The following TAFA5 variants were observed in gnomAD, a reference collection of about 807,000 sequenced individuals.
TAFA5 encodes TAFA chemokine like family member 5.
TAFA5 carries 6 observed loss-of-function variants against 15.3 expected under a neutral mutation model. The ratio of observed to expected loss-of-function variants is 0.39; its 90% CI spans 0.21 to 0.77. The LOEUF (loss-of-function observed/expected upper bound fraction) is 0.77, where lower values mean the gene tolerates loss of function less well. TAFA5 is among the 30% of genes least tolerant of loss of function. The probability of loss-of-function intolerance (pLI) is 0.41; values close to 1 mark genes in which losing one functional copy is unlikely to be tolerated. For missense variants in TAFA5, 161 were observed against 193.1 expected (o/e 0.83, Z 0.98); for synonymous variants, 103 against 80.7 (o/e 1.28, Z -1.48).
At chr22:48,646,149 G>T (rs1926854801) in intron 1 of TAFA5, among the ~76,000 whole-genome samples, 1 of 152,118 alleles carries the variant, frequency 6.6e-6, no homozygotes, top group Admixed American at 6.5e-5. Context: ...CTATTTTCCG[G>T]CTCCAAAGTG....
At chr22:48,554,188 G>A (rs1477148038) in intron 1 of TAFA5, among the ~76,000 whole-genome samples, 1 of 152,158 alleles carries the variant, frequency 6.6e-6, no homozygotes, top group African/African-American at 2.4e-5. Flanking sequence ...CGGCAAAAAT[G>A]TCCCCAGGGA....
At chr22:48,697,234 A>G (rs145752039) in intron 2 of TAFA5, among the ~76,000 whole-genome samples, 62 of 152,298 alleles carry the variant, frequency 4.1e-4, no homozygotes, top group African/African-American at 1.2e-3. Flanking sequence ...GAGAGCCTTC[A>G]CCTAGAATTG....
rs1928089626 is a variant in TAFA5, at chr22:48,490,078, C to T, written c.112+374C>T. Among the ~76,000 whole-genome samples, 2 of 152,014 alleles carry T rather than the reference C, an allele frequency of 1.3e-5. No individual in the cohort carries two copies. The highest frequency in any genetic ancestry group is 2.9e-5 in the Non-Finnish European group (2 of 67,954). On this transcript the variant is annotated intron_variant, in intron 1 of 3. Coordinates refer to ENST00000402357, the MANE Select transcript of TAFA5 (RefSeq NM_001082967.3). This position sits in a 1 kb window ranked among gnomAD's most constrained non-coding sequence, Gnocchi z 5.8. ...GCCGCAGGTCGCGGAGGGCGGGCGGCGCTGCCGGGGTGTCTGCGGAGCGCC... is the reference window on the plus strand; with the variant it reads ...GCCGCAGGTCGCGGAGGGCGGGCGGTGCTGCCGGGGTGTCTGCGGAGCGCC...
chr22:48,728,787 G>C (rs891769688), intron 3 of TAFA5, among the ~76,000 whole-genome samples: 3 of 152,156 alleles, frequency 2.0e-5, no homozygotes, highest in African/African-American at 7.2e-5. Flanking sequence ...AAATATTAAT[G>C]AATTTTAAAA....
chr22:48,600,178 A>G (rs1461446109), intron 1 of TAFA5, among the ~76,000 whole-genome samples: 1 of 152,194 alleles, frequency 6.6e-6, no homozygotes, highest in Non-Finnish European at 1.5e-5. Flanking sequence ...CCCCTGTGTC[A>G]GTGATCCTAT....
At chr22:48,500,778 C>T (rs1200856591) in intron 1 of TAFA5, among the ~76,000 whole-genome samples, 2 of 152,222 alleles carry the variant, frequency 1.3e-5, no homozygotes, top group Admixed American at 6.5e-5. Context: ...GTCGCCGCCT[C>T]GGGTTCCTGG....
intron 1 of TAFA5, among the ~76,000 whole-genome samples, chr22:48,502,189 C>T (rs908333497): frequency 2.0e-5 from 3 of 152,160 alleles, no homozygotes; most frequent in African/African-American, 7.2e-5. Context: ...AACAAGAAGA[C>T]TGAGGAGTCT....
At chr22:48,703,221 G>T (rs777646192) in intron 2 of TAFA5, among the ~76,000 whole-genome samples, 1 of 147,348 alleles carries the variant, frequency 6.8e-6, no homozygotes, top group African/African-American at 2.6e-5. Flanking sequence ...TGATGTGTAC[G>T]TGTGTGTGTT....
intron 1 of TAFA5, among the ~76,000 whole-genome samples, chr22:48,601,147 C>T (rs1328247584): frequency 6.6e-6 from 1 of 152,198 alleles, no homozygotes; most frequent in Non-Finnish European, 1.5e-5. Flanking sequence ...TTAATTTACA[C>T]ACTTTGTCAT....
chr22:48,746,016 G>A (rs144288890), intron 3 of TAFA5, among the ~76,000 whole-genome samples: 75 of 152,332 alleles, frequency 4.9e-4, no homozygotes, highest in African/African-American at 1.8e-3. Context: ...CACACAGGAT[G>A]CAGCCTCCAG....
At chr22:48,638,312 C>A (rs376269996) in intron 1 of TAFA5, among the ~76,000 whole-genome samples, 1 of 113,264 alleles carries the variant, frequency 8.8e-6, no homozygotes, top group Non-Finnish European at 1.8e-5. Context: ...TAGGCAACAA[C>A]CCCCCCCACA....
chr22:48,553,179 C>T (rs1167121279), intron 1 of TAFA5, among the ~76,000 whole-genome samples: 2 of 152,302 alleles, frequency 1.3e-5, no homozygotes, highest in African/African-American at 2.4e-5. Flanking sequence ...AATGCCGCCT[C>T]GTCAGGGGAG....
intron 2 of TAFA5, among the ~76,000 whole-genome samples, chr22:48,684,140 C>A (rs1928281737): frequency 6.6e-6 from 1 of 152,142 alleles, no homozygotes; most frequent in Non-Finnish European, 1.5e-5. Flanking sequence ...TACCTGAATT[C>A]CAGGCAATGG....
At chr22:48,664,560 G>A (rs191443736) in intron 2 of TAFA5, among the ~76,000 whole-genome samples, 273 of 152,198 alleles carry the variant, frequency 1.8e-3, no homozygotes, top group African/African-American at 6.4e-3. Context: ...ATCTATACAG[G>A]CAAATTGGAA....
chr22:48,676,081 G>A (rs192245750), intron 2 of TAFA5, among the ~76,000 whole-genome samples: 1 of 152,256 alleles, frequency 6.6e-6, no homozygotes, highest in East Asian at 1.9e-4. Context: ...CAGAGCACAG[G>A]CTGATCTCAG....
At chr22:48,548,650 AG>A (rs1302323031) in intron 1 of TAFA5, among the ~76,000 whole-genome samples, 2 of 152,154 alleles carry the variant, frequency 1.3e-5, no homozygotes, top group East Asian at 3.9e-4. Context: ...TGCATTTCAC[AG>A]GGGCAGGCCC....
chr22:48,632,525 C>T (rs1188396638), intron 1 of TAFA5, among the ~76,000 whole-genome samples: 5 of 150,628 alleles, frequency 3.3e-5, no homozygotes, highest in African/African-American at 1.0e-4. Context: ...TCTCTGAGCT[C>T]GGTGCCTGCC....
At chr22:48,685,302 G>A (rs143262612) in intron 2 of TAFA5, among the ~76,000 whole-genome samples, 1 of 152,302 alleles carries the variant, frequency 6.6e-6, no homozygotes, top group African/African-American at 2.4e-5. Context: ...GAGAATGAAT[G>A]TCTCTCCTAG....
At chr22:48,586,647 G>A (rs1924372907) in intron 1 of TAFA5, among the ~76,000 whole-genome samples, 1 of 152,240 alleles carries the variant, frequency 6.6e-6, no homozygotes, top group Non-Finnish European at 1.5e-5. Context: ...TTGCAGGGGT[G>A]CAGGGCTGGT....
Sources: gnomAD v4.1 joint callset for allele counts (sites outside exome capture counted in the v4.1 genomes callset) on GRCh38, gnomAD v4.1.1 for gene constraint, Gnocchi (gnomAD v3.1) non-coding constraint, MANE v1.5 for transcripts, NCBI Gene and HGNC (gene_info 2026-07-23, HGNC 2026-07-21) for gene names.